SMARCC1: variants seen among roughly 807,000 people sequenced by gnomAD.
SMARCC1 encodes SWI/SNF related BAF chromatin remodeling complex subunit C1.
In SMARCC1, 43 loss-of-function variants were observed where a neutral mutation model predicts 147.4. The ratio of observed to expected loss-of-function variants is 0.29; its 90% CI spans 0.23 to 0.38. The LOEUF (loss-of-function observed/expected upper bound fraction) is 0.38. Among genes scored for constraint, SMARCC1 ranks in the 10% least tolerant of loss-of-function variants. The pLI is 1.00. For synonymous variants in SMARCC1, 495 were observed against 484.4 expected, an observed-to-expected ratio of 1.02 and a Z score of -0.29; for missense variants, 1,119 against 1,381.1, an observed-to-expected ratio of 0.81 and a Z score of 3.01.
At position 47,633,779 on chromosome 3, in the gene SMARCC1, TACACACACAC is replaced by T. The variant is rs149363143; in HGVS notation, c.2646+1401_2646+1410del. On this transcript the variant is annotated intron_variant, in intron 24 of 27. Transcript: ENST00000254480. ...AAAAAAAAAAATATATATATATATA[TACACACACAC>T]ACACACACACACACACACACACACA... Among the ~76,000 whole-genome samples the T allele has an allele frequency of 2.4e-4, 7 of 28,864 alleles. No homozygotes were observed. In the Admixed American group the frequency reaches 2.6e-3, roughly 11 times the overall value. The allele number at this position is 28,864 out of a possible 152,430, so 18.9% of individuals were successfully genotyped here.
intron 2 of SMARCC1, among the ~76,000 whole-genome samples, chr3:47,756,062 C>T (rs562843664): frequency 3.4e-5 from 5 of 146,976 alleles, no homozygotes; most frequent in Admixed American, 6.9e-5. Flanking sequence ...CAGCTACAGC[C>T]ACTCAGGAAG....
intron 2 of SMARCC1, among the ~76,000 whole-genome samples, chr3:47,756,488 G>A (rs186525753): frequency 2.0e-4 from 28 of 142,398 alleles, no homozygotes; most frequent in African/African-American, 6.9e-4. Context: ...AGCTGAGATC[G>A]CGCCATTGCG....
At chr3:47,694,953 T>C (rs1415647193) in intron 11 of SMARCC1, among the ~76,000 whole-genome samples, 2 of 152,152 alleles carry the variant, frequency 1.3e-5, no homozygotes, top group Admixed American at 6.5e-5. Context: ...TTTCTCCCCC[T>C]ACAAAAAAAA....
At chr3:47,631,800 T>C (rs1207336693) in intron 24 of SMARCC1, among the ~76,000 whole-genome samples, 1 of 152,198 alleles carries the variant, frequency 6.6e-6, no homozygotes, top group Non-Finnish European at 1.5e-5. Flanking sequence ...TAAGAGAAAC[T>C]TGGACTGGCT....
At chr3:47,771,395 C>A (rs1366015172) in intron 2 of SMARCC1, among the ~76,000 whole-genome samples, 1 of 152,088 alleles carries the variant, frequency 6.6e-6, no homozygotes, top group African/African-American at 2.4e-5. Flanking sequence ...ATATGACAGA[C>A]AATTCCTAAA....
intron 2 of SMARCC1, among the ~76,000 whole-genome samples, chr3:47,747,226 G>A (rs1345537277): frequency 6.6e-6 from 1 of 151,726 alleles, no homozygotes. Context: ...TTGAGCACAG[G>A]AGTTCAAGAC....
At chr3:47,695,303 C>A (rs936742126) in intron 11 of SMARCC1, among the ~76,000 whole-genome samples, 1 of 152,096 alleles carries the variant, frequency 6.6e-6, no homozygotes, top group Non-Finnish European at 1.5e-5. Context: ...AGCTGTTATT[C>A]CAGTCTGGGT....
At chr3:47,748,723 T>G (rs187381711) in intron 2 of SMARCC1, among the ~76,000 whole-genome samples, 2 of 152,190 alleles carry the variant, frequency 1.3e-5, no homozygotes, top group African/African-American at 4.8e-5. Flanking sequence ...TAAGATGAAG[T>G]GTTATTAGAA....
chr3:47,697,579 G>A (rs1186145519), intron 11 of SMARCC1, among the ~76,000 whole-genome samples: 1 of 150,414 alleles, frequency 6.6e-6, no homozygotes, highest in Non-Finnish European at 1.5e-5. Flanking sequence ...TGGGATTACA[G>A]GTGTGAGCCA....
intron 7 of SMARCC1, among the ~76,000 whole-genome samples, chr3:47,719,461 G>C (rs1215261459): frequency 6.6e-6 from 1 of 152,008 alleles, no homozygotes; most frequent in Non-Finnish European, 1.5e-5. Context: ...AGCACTTTGA[G>C]AAGCCAAGGT....
At chr3:47,732,578 C>T (rs1164233249) in intron 5 of SMARCC1, among the ~76,000 whole-genome samples, 1 of 152,034 alleles carries the variant, frequency 6.6e-6, no homozygotes, top group Non-Finnish European at 1.5e-5. Flanking sequence ...TTGACTTGAC[C>T]AGCTAGAGGC....
chr3:47,737,864 G>C (rs1369644123), intron 4 of SMARCC1, among the ~76,000 whole-genome samples, 165 bp downstream of exon 4: 3 of 146,616 alleles, frequency 2.0e-5, no homozygotes, highest in South Asian at 2.1e-4. Flanking sequence ...GGGTTTCACC[G>C]TGTTAGCCAG....
intron 14 of SMARCC1, among the ~76,000 whole-genome samples, chr3:47,683,877 C>G (rs555341973): frequency 1.3e-5 from 2 of 152,256 alleles, no homozygotes; most frequent in African/African-American, 4.8e-5. Context: ...AACAACAAAA[C>G]AGTCGAGGCA....
intron 26 of SMARCC1, chr3:47,604,289 T>A: frequency 2.2e-6 from 1 of 456,742 alleles, no homozygotes; most frequent in South Asian, 1.5e-5. Flanking sequence ...GATGAAAAAT[T>A]AACCACTTGG....
Position 47,676,666 on chromosome 3 carries a change from G to C in SMARCC1, c.1688C>G (p.Pro563Arg), listed in dbSNP as rs764350532. ...AAGATGCAGAGGCACAAGCCCAGAG[G>C]GGGTATCAGCTAATACATTAAAATG... Reference protein sequence around the residue: ...TPHFNVLADTPSGLVPLHLRS... With the variant: ...TPHFNVLADTRSGLVPLHLRS... Residue 563 changes from proline to arginine, a missense_variant, in exon 17 of 28, where the codon CCC becomes CGC. Coordinates refer to ENST00000254480, the MANE Select transcript of SMARCC1 (RefSeq NM_003074.4). The C allele has an allele frequency of 6.2e-7, 1 of 1,613,848 alleles. No homozygotes were observed. The highest frequency in any genetic ancestry group is 8.5e-7 in the Non-Finnish European group (1 of 1,179,870).
intron 4 of SMARCC1, 89 bp downstream of exon 4, chr3:47,737,940 G>C (rs2034463869): frequency 7.3e-6 from 6 of 826,704 alleles, no homozygotes; most frequent in Admixed American, 2.8e-5. Flanking sequence ...TGGGATTACA[G>C]GCATGAGCCA....
chr3:47,663,870 A>G, intron 19 of SMARCC1: 1 of 1,530,870 alleles, frequency 6.5e-7, no homozygotes, highest in Non-Finnish European at 9.1e-7. Flanking sequence ...ATCGCCGCCC[A>G]GGGTTTCACG....
At chr3:47,775,318 G>A (rs923506703) in intron 1 of SMARCC1, among the ~76,000 whole-genome samples, 14 of 149,524 alleles carry the variant, frequency 9.4e-5, no homozygotes, top group Non-Finnish European at 1.6e-4. Context: ...CCACCACCAC[G>A]CCTGGCTAAT....
At chr3:47,771,659 G>A (rs999685308) in intron 2 of SMARCC1, among the ~76,000 whole-genome samples, 4 of 152,096 alleles carry the variant, frequency 2.6e-5, no homozygotes, top group Non-Finnish European at 5.9e-5. Context: ...CAGGAGAATC[G>A]CTTGAACCCG....
Sources: gnomAD v4.1 joint callset for allele counts (sites outside exome capture counted in the v4.1 genomes callset) on GRCh38, gnomAD v4.1.1 for gene constraint, MANE v1.5 for transcripts, NCBI Gene and HGNC (gene_info 2026-07-23, HGNC 2026-07-21) for gene names.